The following LRRN2 variants were observed in gnomAD, a reference collection of about 807,000 sequenced individuals.
The protein encoded by LRRN2 is leucine rich repeat neuronal 2.
A neutral mutation model predicts 35.7 loss-of-function variants in LRRN2; 10 were observed. That is an observed-to-expected ratio of 0.28 (90% CI 0.17 to 0.47). LRRN2 has a LOEUF of 0.47. Ranked by LOEUF, LRRN2 falls within the 20% of genes least tolerant of loss-of-function variation. LRRN2 has a pLI of 0.99. For missense variants in LRRN2, 731 were observed against 940.3 expected (o/e 0.78, Z 2.91); for synonymous variants, 391 against 409.6 (o/e 0.95, Z 0.55).
chr1:204,623,729 C>T (rs1257253851), intron 1 of LRRN2, among the ~76,000 whole-genome samples: 1 of 152,214 alleles, frequency 6.6e-6, no homozygotes, highest in East Asian at 1.9e-4. Flanking sequence ...CAGACTGTCA[C>T]GTGTATACTT....
In LRRN2 at chr1:204,619,931, G is replaced by A. The variant is rs1248308161; in HGVS notation, c.62C>T (p.Pro21Leu). 2 of 1,613,544 alleles carry A rather than the reference G, an allele frequency of 1.2e-6. No homozygotes were observed. Among genetic ancestry groups the A allele is most frequent in the Non-Finnish European group, 1.7e-6 (2 of 1,179,954 alleles). The change falls in exon 2 of 2, where the codon CCC (proline) becomes CTC (leucine). Residue 21 changes from proline to leucine, a missense_variant. This residue lies in a region of LRRN2 where 246 missense variants were observed against 289.5 expected (regional missense o/e 0.85). Coordinates refer to ENST00000367177, the MANE Select transcript of LRRN2 (RefSeq NM_201630.2). Reference protein sequence around the residue: ...AWVAGATAAVPVVPWHVPCPP... With the variant: ...AWVAGATAAVLVVPWHVPCPP... ...GCAGGGAACATGCCAGGGTACCACGGGCACAGCGGCAGTGGCACCAGCCAC... is the reference window on the plus strand; with the variant it reads ...GCAGGGAACATGCCAGGGTACCACGAGCACAGCGGCAGTGGCACCAGCCAC...
intron 1 of LRRN2, among the ~76,000 whole-genome samples, chr1:204,622,512 C>T (rs1472597116): frequency 1.3e-5 from 2 of 152,148 alleles, no homozygotes; most frequent in Admixed American, 6.5e-5. Context: ...GTGTGTGCAC[C>T]GACACGTAAA....
chr1:204,631,258 AT>A (rs1558407636), intron 1 of LRRN2, among the ~76,000 whole-genome samples: 471 of 38,946 alleles, frequency 0.012, 69 homozygotes, highest in East Asian at 0.036. Context: ...AGAGTGTTCT[AT>A]ATATATATAT....
chr1:204,633,415 C>T (rs1247828428), intron 1 of LRRN2, among the ~76,000 whole-genome samples: 8 of 152,194 alleles, frequency 5.3e-5, no homozygotes, highest in Non-Finnish European at 1.2e-4. Context: ...TCCAAGATCA[C>T]ACCTAAACAA....
At position 204,618,916 on chromosome 1, in the gene LRRN2, G is replaced by C. The variant is rs1666617570; in HGVS notation, c.1077C>G (p.Pro359=). ...ALHQQTVESL[P]NLQEVGLHGN... ...CGTGGAGACCTACCTCCTGCAGGTT[G>C]GGCAGGGACTCCACCGTCTGCTGGT... Residue 359 remains proline (P), a synonymous_variant, in exon 2 of 2, where the codon CCC becomes CCG. Coordinates refer to ENST00000367177, the MANE Select transcript of LRRN2 (RefSeq NM_201630.2). The C allele has an allele frequency of 6.2e-7, 1 of 1,614,062 alleles. No individual in the cohort carries two copies. Among genetic ancestry groups the C allele is most frequent in the Admixed American group, 1.7e-5 (1 of 60,016 alleles).
At chr1:204,638,402 CTTTTTTTTTTTTTTT>C (rs971289134) in intron 1 of LRRN2, among the ~76,000 whole-genome samples, 9 of 71,688 alleles carry the variant, frequency 1.3e-4, no homozygotes, top group Admixed American at 7.9e-4. Flanking sequence ...CAAGGTCTTC[CTTTTTTTTTTTTTTT>C]TTTTTTTTTT....
chr1:204,668,926 C>T (rs1015370252), intron 1 of LRRN2, among the ~76,000 whole-genome samples: 38 of 152,180 alleles, frequency 2.5e-4, no homozygotes, highest in Admixed American at 1.5e-3. Flanking sequence ...AGGGCTCAAG[C>T]GAACCTCCTG....
At chr1:204,642,619 A>G (rs1003433030) in intron 1 of LRRN2, among the ~76,000 whole-genome samples, 23 of 152,192 alleles carry the variant, frequency 1.5e-4, no homozygotes, top group African/African-American at 5.5e-4. Context: ...TGCCTCAGGA[A>G]GAACTGCCCC....
At position 204,617,717 on chromosome 1, in the gene LRRN2, G is replaced by T. The variant is rs1666446383; in HGVS notation, c.*134C>A. On this transcript the variant is annotated 3_prime_UTR_variant, in exon 2 of 2. Transcript: ENST00000367177. ...CCCCCAGGGCCACAAAGCCCCATCTGTCTTGGCCCAGCTGCCAGGCCTCAA... is the reference window on the plus strand; with the variant it reads ...CCCCCAGGGCCACAAAGCCCCATCTTTCTTGGCCCAGCTGCCAGGCCTCAA... 3.9e-6 allele frequency: 4 copies of T among 1,034,386 alleles called. No homozygotes were observed. The highest frequency in any genetic ancestry group is 5.9e-6 in the Non-Finnish European group (4 of 682,656). 64.1% of individuals were successfully genotyped at this position (1,034,386 alleles called of 1,614,324 possible).
chr1:204,621,659 T>G (rs2102571701), intron 1 of LRRN2: 2 of 167,282 alleles, frequency 1.2e-5, no homozygotes, highest in South Asian at 2.1e-4. Context: ...CAATCAACAA[T>G]GCAAGCCACT....
At chr1:204,663,370 A>T (rs1270687164) in intron 1 of LRRN2, among the ~76,000 whole-genome samples, 1 of 152,146 alleles carries the variant, frequency 6.6e-6, no homozygotes, top group African/African-American at 2.4e-5. Context: ...TTAACACACA[A>T]CATGTGAGGA....
intron 1 of LRRN2, among the ~76,000 whole-genome samples, chr1:204,683,976 G>A (rs755490041): frequency 1.1e-4 from 17 of 152,202 alleles, no homozygotes; most frequent in Non-Finnish European, 1.8e-4. Flanking sequence ...TACCCTCCAT[G>A]CCCAGTGCTC....
intron 1 of LRRN2, among the ~76,000 whole-genome samples, chr1:204,633,982 G>A (rs533032848): frequency 3.9e-4 from 59 of 152,296 alleles, no homozygotes; most frequent in African/African-American, 1.3e-3. Flanking sequence ...CAGGACCAGC[G>A]GCTCCCAGAG....
chr1:204,658,167 G>A (rs1410009989), intron 1 of LRRN2, among the ~76,000 whole-genome samples: 3 of 151,696 alleles, frequency 2.0e-5, no homozygotes, highest in African/African-American at 7.3e-5. Flanking sequence ...TAGTGGAGAC[G>A]GGGTTTCACT....
intron 1 of LRRN2, among the ~76,000 whole-genome samples, chr1:204,642,191 C>T (rs1667993510): frequency 6.6e-6 from 1 of 152,174 alleles, no homozygotes; most frequent in African/African-American, 2.4e-5. Context: ...AACATTCTCT[C>T]CTGTAATAAT....
At chr1:204,660,068 G>C (rs1397017623) in intron 1 of LRRN2, among the ~76,000 whole-genome samples, 1 of 152,194 alleles carries the variant, frequency 6.6e-6, no homozygotes, top group African/African-American at 2.4e-5. Flanking sequence ...GCCTGTAAAG[G>C]CATCTGTGAG....
In LRRN2 at chr1:204,618,256, G is replaced by A; in HGVS notation, c.1737C>T (p.Thr579=). The A allele has an allele frequency of 6.2e-7, 1 of 1,611,910 alleles. No individual in the cohort carries two copies. The highest frequency in any genetic ancestry group is 8.5e-7 in the Non-Finnish European group (1 of 1,178,756). Reference sequence around the variant, plus strand: ...GGAGGCGGGTAATGTTGTAGCTGTGGGTTCCCCGAGGCAGGCGGGCCAGAG... The same window carrying A: ...GGAGGCGGGTAATGTTGTAGCTGTGAGTTCCCCGAGGCAGGCGGGCCAGAG... ...ATALARLPRG[T]HSYNITRLLQ... The change falls in exon 2 of 2, where the codon ACC becomes ACT. Residue 579 remains threonine, a synonymous_variant. Coordinates refer to ENST00000367177, the MANE Select transcript of LRRN2 (RefSeq NM_201630.2).
chr1:204,626,136 G>C (rs561288870), intron 1 of LRRN2, among the ~76,000 whole-genome samples: 4 of 152,160 alleles, frequency 2.6e-5, no homozygotes, highest in African/African-American at 9.6e-5. Context: ...AGTCTCAGAG[G>C]CTCCTCCCAT....
At chr1:204,654,455 T>C (rs1031649355) in intron 1 of LRRN2, among the ~76,000 whole-genome samples, 2 of 152,196 alleles carry the variant, frequency 1.3e-5, no homozygotes, top group African/African-American at 4.8e-5. Context: ...CATCTGCAAA[T>C]CAGAACAATT....
Sources: allele counts gnomAD v4.1 joint callset (sites outside exome capture counted in the v4.1 genomes callset), GRCh38; gene constraint gnomAD v4.1.1; regional missense constraint gnomAD v4.1.1; transcripts MANE v1.5; gene names NCBI Gene and HGNC (gene_info 2026-07-23, HGNC 2026-07-21).